MCC: variants seen among roughly 807,000 people sequenced by gnomAD.
The protein encoded by MCC is colorectal mutant cancer protein.
In MCC, 90 loss-of-function variants were observed where a neutral mutation model predicts 116.2. That is an observed-to-expected ratio of 0.77 (90% CI 0.65 to 0.92). MCC has a LOEUF of 0.92. MCC is among the 40% of genes least tolerant of loss of function. The pLI is 0.00. For synonymous variants in MCC, 578 were observed against 510.5 expected, an observed-to-expected ratio of 1.13 and a Z score of -1.78; for missense variants, 1,516 against 1,312.2, an observed-to-expected ratio of 1.16 and a Z score of -2.40.
intron 3 of MCC, among the ~76,000 whole-genome samples, chr5:113,314,395 G>A (rs966567936): frequency 6.6e-6 from 1 of 152,168 alleles, no homozygotes; most frequent in African/African-American, 2.4e-5. Flanking sequence ...CAGGTCCTGA[G>A]TTGTTCAAAA....
intron 1 of MCC, among the ~76,000 whole-genome samples, chr5:113,443,988 A>C (rs1459730842): frequency 9.9e-6 from 1 of 100,854 alleles, no homozygotes; most frequent in East Asian, 2.3e-4. Context: ...ATGCTCGGCT[A>C]ATTTGTGTGT....
intron 1 of MCC, among the ~76,000 whole-genome samples, chr5:113,404,846 G>A (rs11954410): frequency 0.056 from 8,486 of 152,016 alleles, 461 homozygotes; most frequent in African/African-American, 0.14. Context: ...AGATCAGTGC[G>A]TGTCATACAA....
chr5:113,191,979 G>C (rs1414923590), intron 3 of MCC, among the ~76,000 whole-genome samples: 2 of 152,196 alleles, frequency 1.3e-5, no homozygotes, highest in African/African-American at 2.4e-5. Context: ...ACACCTACCT[G>C]CTGGATGCCT....
chr5:113,308,193 C>A (rs933109974), intron 3 of MCC, among the ~76,000 whole-genome samples: 1 of 151,984 alleles, frequency 6.6e-6, no homozygotes, highest in African/African-American at 2.4e-5. Flanking sequence ...AGGGTGGTGC[C>A]TGTCTAAATC....
intron 2 of MCC, among the ~76,000 whole-genome samples, chr5:113,373,364 T>TA (rs200066580): frequency 1.9e-4 from 28 of 151,174 alleles, no homozygotes; most frequent in African/African-American, 6.1e-4. Flanking sequence ...AAGTTTGCAC[T>TA]AAAAAAAAAT....
intron 3 of MCC, among the ~76,000 whole-genome samples, chr5:113,333,552 CTT>C (rs1767751557): frequency 6.6e-6 from 1 of 150,850 alleles, no homozygotes; most frequent in African/African-American, 2.5e-5. Context: ...AAAATTAAGT[CTT>C]AAAATGGGCA....
chr5:113,292,583 A>G (rs1766545594), intron 3 of MCC, among the ~76,000 whole-genome samples: 2 of 152,106 alleles, frequency 1.3e-5, no homozygotes, highest in South Asian at 4.1e-4. Context: ...CTAGGCAAAA[A>G]AAATGGGTAA....
At chr5:113,277,489 CCTTA>C (rs1323200561) in intron 3 of MCC, among the ~76,000 whole-genome samples, 1 of 152,118 alleles carries the variant, frequency 6.6e-6, no homozygotes, top group Non-Finnish European at 1.5e-5. Flanking sequence ...CCTGCATACT[CCTTA>C]CTCTTTATCC....
At chr5:113,151,255 A>T in intron 4 of MCC, 54 bp downstream of exon 4, 1 of 1,059,670 alleles carries the variant, frequency 9.4e-7, no homozygotes, top group Non-Finnish European at 1.4e-6. Context: ...TCTTAAGATT[A>T]AATATTTAAA....
At chr5:113,194,714 G>A (rs1398340233) in intron 3 of MCC, among the ~76,000 whole-genome samples, 1 of 152,048 alleles carries the variant, frequency 6.6e-6, no homozygotes. Context: ...AAAGGGAAAG[G>A]GGAAGAGAAG....
intron 1 of MCC, among the ~76,000 whole-genome samples, chr5:113,457,394 C>G (rs1211797895): frequency 5.3e-5 from 8 of 152,222 alleles, no homozygotes; most frequent in Non-Finnish European, 1.5e-5. Flanking sequence ...GAGCAGGCCT[C>G]GGGACTGCAG....
chr5:113,089,112 T>C (rs1561798633), intron 8 of MCC, among the ~76,000 whole-genome samples: 1 of 152,160 alleles, frequency 6.6e-6, no homozygotes, highest in East Asian at 1.9e-4. Context: ...CACCAGAACA[T>C]GACCTGAGAG....
intron 5 of MCC, among the ~76,000 whole-genome samples, chr5:113,135,805 A>G (rs1381734417): frequency 1.3e-5 from 2 of 152,112 alleles, no homozygotes; most frequent in Non-Finnish European, 2.9e-5. Context: ...GCACTTTGGG[A>G]GGCCAAGGTG....
chr5:113,242,765 G>A (rs769551047), intron 3 of MCC, among the ~76,000 whole-genome samples: 3 of 152,002 alleles, frequency 2.0e-5, no homozygotes, highest in South Asian at 2.1e-4. Context: ...TTCCCATCTC[G>A]GGTACTTCAG....
chr5:113,432,320 CAA>C (rs66577040), intron 1 of MCC, among the ~76,000 whole-genome samples: 17 of 68,610 alleles, frequency 2.5e-4, no homozygotes, highest in East Asian at 5.0e-4. Flanking sequence ...GACTCTGTCT[CAA>C]AAAAAAAAAA....
At chr5:113,160,472 T>G (rs898680343) in intron 3 of MCC, among the ~76,000 whole-genome samples, 1 of 152,242 alleles carries the variant, frequency 6.6e-6, no homozygotes, top group Admixed American at 6.5e-5. Context: ...TGGGTAGTGC[T>G]GTTATCTCCA....
chr5:113,344,445 C>T (rs1768086439), intron 2 of MCC, among the ~76,000 whole-genome samples: 1 of 152,024 alleles, frequency 6.6e-6, no homozygotes, highest in African/African-American at 2.4e-5. Context: ...TGTGAGACAT[C>T]ACCCGGGTTG....
chr5:113,334,330 C>T (rs1456155389), intron 3 of MCC, among the ~76,000 whole-genome samples: 1 of 150,706 alleles, frequency 6.6e-6, no homozygotes, highest in Middle Eastern at 3.2e-3. Context: ...ACTTCAGCCT[C>T]CCAAGTAGCT....
At chr5:113,368,413 C>T (rs192204406) in intron 2 of MCC, among the ~76,000 whole-genome samples, 1 of 152,066 alleles carries the variant, frequency 6.6e-6, no homozygotes, top group African/African-American at 2.4e-5. Flanking sequence ...GATGTTTTTC[C>T]CTTTGTTTTC....
Sources: allele counts gnomAD v4.1 joint callset (sites outside exome capture counted in the v4.1 genomes callset), GRCh38; gene constraint gnomAD v4.1.1; transcripts MANE v1.5; gene names NCBI Gene and HGNC (gene_info 2026-07-23, HGNC 2026-07-21).